The following LRRC7 variants were observed in gnomAD, a reference collection of about 807,000 sequenced individuals.
LRRC7 encodes leucine rich repeat containing 7, also known as leucine-rich repeat-containing protein 7.
A neutral mutation model predicts 175.7 loss-of-function variants in LRRC7; 23 were observed. The ratio of observed to expected loss-of-function variants is 0.13; its 90% CI spans 0.09 to 0.19. LRRC7 has a LOEUF of 0.19. Ranked by LOEUF, LRRC7 falls within the 10% of genes least tolerant of loss-of-function variation. The probability of loss-of-function intolerance (pLI) is 1.00; values close to 1 mark genes in which losing one functional copy is unlikely to be tolerated. For missense variants in LRRC7, 1,354 were observed against 1,904.7 expected, an observed-to-expected ratio of 0.71 and a Z score of 5.38; for synonymous variants, 685 against 680.9, an observed-to-expected ratio of 1.01 and a Z score of -0.09.
intron 1 of LRRC7, among the ~76,000 whole-genome samples, chr1:69,587,186 C>G (rs999744854): frequency 2.0e-5 from 3 of 152,146 alleles, no homozygotes; most frequent in African/African-American, 7.2e-5. Context: ...ATATTACTTA[C>G]TCGTCCAAAC....
At chr1:70,079,904 A>G (rs956525986) in intron 24 of LRRC7, among the ~76,000 whole-genome samples, 5 of 152,240 alleles carry the variant, frequency 3.3e-5, no homozygotes, top group African/African-American at 1.2e-4. Context: ...TTTCATCCTC[A>G]TAATAATCTT....
Position 70,143,683 on chromosome 1 carries a change from G to C in LRRC7, c.*21796G>C, listed in dbSNP as rs1667175111. ...CTTCACATTTAAGGTTTTCTACTTG[G>C]GTGTACTCTAGCCAATTCAAAACAA... On this transcript the variant is annotated 3_prime_UTR_variant, in exon 27 of 27. Transcript: ENST00000651989. 6.6e-6 allele frequency: 1 copy of C among 151,606 alleles called. No individual in the cohort carries two copies. The highest frequency in any genetic ancestry group is 6.6e-5 in the Admixed American group (1 of 15,218). The allele number at this position is 151,606 out of a possible 1,614,324, so 9.4% of individuals were successfully genotyped here. A position where few individuals can be genotyped will look rare whatever the true frequency, so the allele number is the denominator to read the frequency against.
At chr1:69,969,969 C>T (rs1652061614) in intron 8 of LRRC7, among the ~76,000 whole-genome samples, 1 of 152,068 alleles carries the variant, frequency 6.6e-6, no homozygotes, top group African/African-American at 2.4e-5. Context: ...AAATCAACTG[C>T]AAAAGGAACC....
At chr1:70,115,169 A>G (rs947866199) in intron 26 of LRRC7, among the ~76,000 whole-genome samples, 2 of 152,226 alleles carry the variant, frequency 1.3e-5, no homozygotes, top group Non-Finnish European at 2.9e-5. Flanking sequence ...TTTAAAGGAA[A>G]AAATAAGGAT....
At chr1:69,751,521 GAATT>G (rs532198582) in intron 2 of LRRC7, among the ~76,000 whole-genome samples, 110 of 152,206 alleles carry the variant, frequency 7.2e-4, no homozygotes, top group South Asian at 5.4e-3. Flanking sequence ...AGAATTAAGA[GAATT>G]AAAGTATAAT....
At chr1:69,895,438 T>A (rs1473369631) in intron 7 of LRRC7, among the ~76,000 whole-genome samples, 3 of 152,212 alleles carry the variant, frequency 2.0e-5, no homozygotes, top group Non-Finnish European at 4.4e-5. Flanking sequence ...TGTATATTAA[T>A]AATATGATAT....
intron 2 of LRRC7, among the ~76,000 whole-genome samples, chr1:69,730,543 A>T (rs1667459283): frequency 6.6e-6 from 1 of 152,112 alleles, no homozygotes; most frequent in African/African-American, 2.4e-5. Context: ...AGACCACCTC[A>T]TCCTGCACTT....
At chr1:69,727,394 G>A (rs1051202175) in intron 2 of LRRC7, among the ~76,000 whole-genome samples, 4 of 152,048 alleles carry the variant, frequency 2.6e-5, no homozygotes, top group Non-Finnish European at 2.9e-5. Context: ...AATTTTCCCC[G>A]CCATCATCTT....
intron 25 of LRRC7, among the ~76,000 whole-genome samples, chr1:70,102,722 A>G (rs1664882782): frequency 6.6e-6 from 1 of 152,176 alleles, no homozygotes. Context: ...TGTGTCATCC[A>G]TTGTTCTATT....
chr1:69,853,357 C>T (rs1683214471), intron 7 of LRRC7, among the ~76,000 whole-genome samples: 1 of 135,580 alleles, frequency 7.4e-6, no homozygotes, highest in Non-Finnish European at 1.5e-5. Flanking sequence ...CAGCTTACTG[C>T]AACCTCTACC....
intron 7 of LRRC7, among the ~76,000 whole-genome samples, chr1:69,911,747 A>G (rs1260796080): frequency 6.6e-6 from 1 of 152,178 alleles, no homozygotes; most frequent in African/African-American, 2.4e-5. Context: ...CATGGGAAAT[A>G]GCCATGGCTA....
At chr1:69,574,773 AT>A (rs1343050851) in intron 1 of LRRC7, among the ~76,000 whole-genome samples, 1 of 152,120 alleles carries the variant, frequency 6.6e-6, no homozygotes, top group African/African-American at 2.4e-5. Context: ...TGGACCACAT[AT>A]TTTGAGCACT....
At chr1:69,617,856 G>T (rs972131871) in intron 1 of LRRC7, among the ~76,000 whole-genome samples, 1 of 152,124 alleles carries the variant, frequency 6.6e-6, no homozygotes. Flanking sequence ...TCCTTATGGA[G>T]AACTGGCAGA....
At chr1:69,718,132 A>AAGAGAGATAG (rs1553146105) in intron 2 of LRRC7, among the ~76,000 whole-genome samples, 1 of 54,764 alleles carries the variant, frequency 1.8e-5, no homozygotes, top group Non-Finnish European at 3.2e-5. Context: ...AAAGAAAAGA[A>AAGAGAGATAG]AGAAAGAGAG....
intron 25 of LRRC7, among the ~76,000 whole-genome samples, chr1:70,106,693 T>G (rs1349995583): frequency 6.6e-6 from 1 of 152,060 alleles, no homozygotes; most frequent in African/African-American, 2.4e-5. Flanking sequence ...GCGCTCCCAA[T>G]CCCATCCACT....
At position 69,749,802 on chromosome 1, in the gene LRRC7, G is replaced by A. The variant is rs183508768; in HGVS notation, c.101-10389G>A. On this transcript the variant is annotated intron_variant, in intron 2 of 26. Transcript: ENST00000651989. ...GAAGGTAGAAAACTGAAAAGTTCACGCCTGTAATCCCAGCACTTTGGGAGG... is the reference window on the plus strand; with the variant it reads ...GAAGGTAGAAAACTGAAAAGTTCACACCTGTAATCCCAGCACTTTGGGAGG... Among the ~76,000 whole-genome samples the A allele has an allele frequency of 6.6e-5, 10 of 152,078 alleles. No homozygotes were observed. The East Asian group carries it at 1.7e-3, about 26-fold the overall frequency.
chr1:69,571,276 G>A (rs183920787), intron 1 of LRRC7, among the ~76,000 whole-genome samples: 10 of 152,258 alleles, frequency 6.6e-5, no homozygotes, highest in African/African-American at 2.2e-4. Flanking sequence ...AGTTGCAGTA[G>A]CCATGTTTTA....
chr1:69,981,553 T>C (rs1653432499), intron 9 of LRRC7, among the ~76,000 whole-genome samples: 1 of 152,200 alleles, frequency 6.6e-6, no homozygotes, highest in East Asian at 1.9e-4. Context: ...GAAACTATGC[T>C]AATGTCAGGG....
intron 1 of LRRC7, among the ~76,000 whole-genome samples, chr1:69,593,561 T>C (rs1557450721): frequency 6.6e-6 from 1 of 152,180 alleles, no homozygotes; most frequent in Non-Finnish European, 1.5e-5. Context: ...CTCATTTTTT[T>C]CTTAACCTTA....
Sources: gnomAD v4.1 joint callset for allele counts (sites outside exome capture counted in the v4.1 genomes callset) on GRCh38, gnomAD v4.1.1 for gene constraint, MANE v1.5 for transcripts, NCBI Gene and HGNC (gene_info 2026-07-23, HGNC 2026-07-21) for gene names.